TULP4: variants seen among roughly 807,000 people sequenced by gnomAD.
The protein encoded by TULP4 is TUB like protein 4, also known as tubby-related protein 4.
In TULP4, 16 loss-of-function variants were observed where a neutral mutation model predicts 129.0. The observed-to-expected ratio is 0.12, with a 90% CI of 0.08 to 0.19. The LOEUF (loss-of-function observed/expected upper bound fraction) is 0.19. Ranked by LOEUF, TULP4 falls within the 10% of genes least tolerant of loss-of-function variation. The pLI is 1.00. For synonymous variants in TULP4, 998 were observed against 854.0 expected, an observed-to-expected ratio of 1.17 and a Z score of -2.94; for missense variants, 1,842 against 2,059.1, an observed-to-expected ratio of 0.89 and a Z score of 2.04.
rs984212227 is a variant in TULP4 at position 158,509,500 on chromosome 6, A to G, written c.*2806A>G. ...AGATATAAAGACCCTGAAAAAGCCC[A>G]TTTTAGAACCTGTTTAATAAGAGCA... On this transcript the variant is annotated 3_prime_UTR_variant, in exon 14 of 14. Transcript: ENST00000367097. 1 of 152,212 alleles carries G rather than the reference A, an allele frequency of 6.6e-6. No individual in the cohort carries two copies. Among genetic ancestry groups the G allele is most frequent in the African/African-American group, 2.4e-5 (1 of 41,452 alleles). 9.4% of individuals were successfully genotyped at this position (152,212 alleles called of 1,614,324 possible).
At chr6:158,387,539 T>A (rs887429840) in intron 1 of TULP4, among the ~76,000 whole-genome samples, 3 of 152,226 alleles carry the variant, frequency 2.0e-5, no homozygotes, top group African/African-American at 7.2e-5. Flanking sequence ...TAGTTTTTTC[T>A]TATGCTGACT....
intron 1 of TULP4, among the ~76,000 whole-genome samples, chr6:158,340,618 T>G (rs1402589934): frequency 6.6e-6 from 1 of 152,074 alleles, no homozygotes; most frequent in African/African-American, 2.4e-5. Context: ...CCTCCTGGAG[T>G]TCCCTCCTCA....
chr6:158,438,227 C>A (rs1368127662), intron 3 of TULP4: 1 of 152,070 alleles, frequency 6.6e-6, no homozygotes, highest in Non-Finnish European at 1.5e-5. Flanking sequence ...TCTTTTTCTT[C>A]TTCTTTGTTG....
At chr6:158,287,466 C>T (rs1006191244) in intron 1 of TULP4, among the ~76,000 whole-genome samples, 2 of 152,124 alleles carry the variant, frequency 1.3e-5, no homozygotes, top group African/African-American at 2.4e-5. Context: ...GTAATATATA[C>T]GTACATTTTG....
chr6:158,244,871 A>G (rs1193484920), intron 1 of TULP4, among the ~76,000 whole-genome samples: 1 of 152,156 alleles, frequency 6.6e-6, no homozygotes, highest in Non-Finnish European at 1.5e-5. Context: ...AACTAAAAAC[A>G]TAAAAGAAAC....
intron 1 of TULP4, among the ~76,000 whole-genome samples, chr6:158,235,324 C>CGA (rs1777669900): frequency 6.6e-6 from 1 of 152,170 alleles, no homozygotes; most frequent in East Asian, 1.9e-4. Flanking sequence ...CCAACTCTTT[C>CGA]TTTTCCCCTC....
chr6:158,409,327 C>CT (rs1203201096), intron 1 of TULP4, among the ~76,000 whole-genome samples: 8 of 152,116 alleles, frequency 5.3e-5, no homozygotes, highest in African/African-American at 1.9e-4. Flanking sequence ...AGGTTGGTAT[C>CT]TTTTTGAACC....
At chr6:158,364,321 C>T (rs827998) in intron 1 of TULP4, among the ~76,000 whole-genome samples, 130,438 of 152,180 alleles carry the variant, frequency 0.86, 56,240 homozygotes, top group South Asian at 0.93. Flanking sequence ...GCCAAGGTTC[C>T]TTTGGTCTCA....
chr6:158,397,504 A>G lies in TULP4; in HGVS notation c.253-15561A>G, dbSNP rs1345471075. 3.3e-5 allele frequency among the ~76,000 whole-genome samples: 5 copies of G among 151,706 alleles called. No individual in the cohort carries two copies. The East Asian group carries it at 7.7e-4, about 23-fold the overall frequency. On this transcript the variant is annotated intron_variant, in intron 1 of 13. Coordinates refer to ENST00000367097, the MANE Select transcript of TULP4 (RefSeq NM_020245.5). The stretch of plus-strand genomic sequence containing the variant: ...ACAAATTCGTAAACTTTCTTAAAAC[A>G]TTGAGTTTTTTTTGCAATTTTTTTT...
At chr6:158,357,803 G>A (rs892388645) in intron 1 of TULP4, among the ~76,000 whole-genome samples, 1 of 152,144 alleles carries the variant, frequency 6.6e-6, no homozygotes, top group South Asian at 2.1e-4. Context: ...TGCTGACTTC[G>A]CCCTCTCACC....
chr6:158,272,411 A>G (rs776111997), intron 1 of TULP4, among the ~76,000 whole-genome samples: 6 of 152,146 alleles, frequency 3.9e-5, no homozygotes, highest in Admixed American at 6.6e-5. Context: ...TGTGAGCTGA[A>G]TGAGGGAGAG....
At chr6:158,374,748 C>G (rs1192375338) in intron 1 of TULP4, among the ~76,000 whole-genome samples, 1 of 152,144 alleles carries the variant, frequency 6.6e-6, no homozygotes, top group Non-Finnish European at 1.5e-5. Context: ...GAGAAGAGTT[C>G]CTGGTTTCAG....
chr6:158,470,748 G>GGAA (rs2128246404), intron 6 of TULP4, among the ~76,000 whole-genome samples: 1 of 152,338 alleles, frequency 6.6e-6, no homozygotes, highest in South Asian at 2.1e-4. Flanking sequence ...GAATGGTGAT[G>GGAA]GAAGTCACAT....
At chr6:158,419,514 A>T (rs1379370711) in intron 2 of TULP4, among the ~76,000 whole-genome samples, 1 of 152,230 alleles carries the variant, frequency 6.6e-6, no homozygotes, top group Admixed American at 6.5e-5. Context: ...AAATGGATTA[A>T]ATTTACCAAT....
At chr6:158,487,366 G>T (rs1361802370) in intron 8 of TULP4, among the ~76,000 whole-genome samples, 1 of 152,184 alleles carries the variant, frequency 6.6e-6, no homozygotes, top group Non-Finnish European at 1.5e-5. Context: ...CTTGAATCCA[G>T]GAGGTGGAGG....
At chr6:158,472,175 CT>C (rs1419039062) in intron 6 of TULP4, among the ~76,000 whole-genome samples, 2 of 152,214 alleles carry the variant, frequency 1.3e-5, no homozygotes, top group Non-Finnish European at 2.9e-5. Context: ...ATGTATTACA[CT>C]TTTCTGTCTA....
At position 158,503,457 on chromosome 6, in the gene TULP4, C is replaced by T. The variant is rs764664477; in HGVS notation, c.3794C>T (p.Ser1265Phe). ...CCTGTCGCCTTGCATCCATGGAGTT[C>T]CTACAGCGCCTGCCCGCCCATGCAG... is the stretch of plus-strand genomic sequence containing the variant. ...LPPVALHPWSSYSACPPMQNP... is the reference protein window; with the variant it reads ...LPPVALHPWSFYSACPPMQNP... Residue 1265 changes from serine (S) to phenylalanine (F), a missense_variant, in exon 13 of 14, where the codon TCC becomes TTC. Around this residue, in one of 5 missense-constraint regions of TULP4, gnomAD observed 1,089 missense variants for 987.1 expected, o/e 1.10. Coordinates refer to ENST00000367097, the MANE Select transcript of TULP4 (RefSeq NM_020245.5). The surrounding 1 kb of genome is among the most constrained non-coding windows in gnomAD (Gnocchi z 4.3). The T allele has an allele frequency of 1.9e-6, 3 of 1,614,020 alleles. No individual in the cohort carries two copies. The highest frequency in any genetic ancestry group is 2.5e-6 in the Non-Finnish European group (3 of 1,180,034).
chr6:158,457,647 G>A (rs1779322912), intron 5 of TULP4, among the ~76,000 whole-genome samples: 2 of 152,164 alleles, frequency 1.3e-5, no homozygotes, highest in Admixed American at 1.3e-4. Flanking sequence ...CAGTGGCAAA[G>A]CAGACTCCCA....
At chr6:158,375,415 T>A (rs1777160950) in intron 1 of TULP4, among the ~76,000 whole-genome samples, 1 of 152,216 alleles carries the variant, frequency 6.6e-6, no homozygotes, top group African/African-American at 2.4e-5. Context: ...AGGTGGTCTT[T>A]CCCTCAGTGA....
Sources: gnomAD v4.1 joint callset for allele counts (sites outside exome capture counted in the v4.1 genomes callset) on GRCh38, gnomAD v4.1.1 for gene constraint, gnomAD v4.1.1 regional missense constraint, Gnocchi (gnomAD v3.1) non-coding constraint, MANE v1.5 for transcripts, NCBI Gene and HGNC (gene_info 2026-07-23, HGNC 2026-07-21) for gene names.